SYNPR: variants seen among roughly 807,000 people sequenced by gnomAD.
SYNPR encodes the protein synaptoporin.
Under a neutral mutation model 32.9 loss-of-function variants are expected in SYNPR, and 23 were observed. The ratio of observed to expected loss-of-function variants is 0.70; its 90% CI spans 0.50 to 0.99. The LOEUF is 0.99. Ranked by LOEUF, SYNPR falls within the 50% of genes least tolerant of loss-of-function variation. The probability of loss-of-function intolerance (pLI) is 0.00; values close to 1 mark genes in which losing one functional copy is unlikely to be tolerated. For synonymous variants in SYNPR, 146 were observed against 135.9 expected (o/e 1.07, Z -0.52); for missense variants, 318 against 349.3 (o/e 0.91, Z 0.71).
intron 3 of SYNPR, among the ~76,000 whole-genome samples, chr3:63,489,676 C>A (rs6785410): frequency 2.6e-5 from 4 of 151,730 alleles, no homozygotes; most frequent in African/African-American, 9.7e-5. Flanking sequence ...TAGTTGGAGA[C>A]GGGAGAAAGA....
intron 2 of SYNPR, among the ~76,000 whole-genome samples, chr3:63,462,261 C>T (rs753091975): frequency 2.0e-5 from 3 of 152,104 alleles, no homozygotes; most frequent in Non-Finnish European, 4.4e-5. Flanking sequence ...CACTGTTGTT[C>T]TCTACCATTG....
chr3:63,233,370 A>C (rs146138272), intron 1 of SYNPR, among the ~76,000 whole-genome samples: 3 of 152,206 alleles, frequency 2.0e-5, no homozygotes, highest in African/African-American at 7.2e-5. Flanking sequence ...TAAATTTTCT[A>C]ATTGTTTCTT....
intron 5 of SYNPR, 107 bp downstream of exon 5, chr3:63,609,423 A>G: frequency 9.8e-7 from 1 of 1,021,962 alleles, no homozygotes; most frequent in Non-Finnish European, 1.4e-6. Context: ...CTACAAAACT[A>G]GGCCAATCAA....
intron 2 of SYNPR, among the ~76,000 whole-genome samples, chr3:63,326,506 C>A (rs1476853877): frequency 6.6e-6 from 1 of 152,108 alleles, no homozygotes; most frequent in South Asian, 2.1e-4. Flanking sequence ...TAGGATTATA[C>A]TGAGATTGCA....
At chr3:63,225,298 A>G (rs1281803609), upstream of SYNPR, among the ~76,000 whole-genome samples, 2 of 152,214 alleles carry the variant, frequency 1.3e-5, no homozygotes, top group African/African-American at 4.8e-5. Flanking sequence ...CATTCATTCC[A>G]TTGCTCTGTG....
intron 2 of SYNPR, among the ~76,000 whole-genome samples, chr3:63,477,431 C>T (rs1700949154): frequency 6.6e-6 from 1 of 152,200 alleles, no homozygotes; most frequent in Non-Finnish European, 1.5e-5. Context: ...AAGCAGTTGT[C>T]ATGCTCAGGG....
chr3:63,609,416 C>T, intron 5 of SYNPR, 100 bp downstream of exon 5: 2 of 1,077,652 alleles, frequency 1.9e-6, no homozygotes, highest in Non-Finnish European at 2.5e-6. Context: ...TTGTTGCCTA[C>T]AAAACTAGGC....
At chr3:63,601,187 C>T (rs546401931) in intron 4 of SYNPR, among the ~76,000 whole-genome samples, 3 of 151,688 alleles carry the variant, frequency 2.0e-5, no homozygotes, top group South Asian at 4.2e-4. Flanking sequence ...GGAGGAGAAT[C>T]GCTTGAACCT....
intron 4 of SYNPR, among the ~76,000 whole-genome samples, chr3:63,558,535 A>G (rs1214509842): frequency 6.6e-6 from 1 of 151,798 alleles, no homozygotes; most frequent in Non-Finnish European, 1.5e-5. Flanking sequence ...GTTTCATCAT[A>G]TTTTTTGCAG....
intron 2 of SYNPR, among the ~76,000 whole-genome samples, chr3:63,401,687 A>G (rs899325051): frequency 1.3e-5 from 2 of 152,238 alleles, no homozygotes; most frequent in Non-Finnish European, 2.9e-5. Context: ...AGACAGAGCT[A>G]TTCTCTCATG....
the SYNPR span, among the ~76,000 whole-genome samples, chr3:63,219,362 T>G: frequency 6.6e-6 from 1 of 152,182 alleles, no homozygotes; most frequent in Non-Finnish European, 1.5e-5. Flanking sequence ...TGTAGCAAGG[T>G]GGGGCAGCTG....
chr3:63,220,019 A>C, the SYNPR span, among the ~76,000 whole-genome samples: 10,231 of 152,296 alleles, frequency 0.067, 410 homozygotes, highest in South Asian at 0.089. Context: ...GAGTGGCCAC[A>C]ATTGAAGCTC....
intron 3 of SYNPR, among the ~76,000 whole-genome samples, chr3:63,540,179 C>G (rs1702274001): frequency 6.6e-6 from 1 of 152,030 alleles, no homozygotes; most frequent in Admixed American, 6.6e-5. Context: ...TATTTTATTC[C>G]TTATGAAGTA....
At chr3:63,443,433 A>T (rs1414889798) in intron 2 of SYNPR, 4 of 1,606,274 alleles carry the variant, frequency 2.5e-6, no homozygotes, top group Non-Finnish European at 3.4e-6. Context: ...TTGGATTATC[A>T]ATTCTTTTGT....
chr3:63,479,656 T>C (rs1701006518), intron 2 of SYNPR, among the ~76,000 whole-genome samples: 1 of 152,190 alleles, frequency 6.6e-6, no homozygotes, highest in Non-Finnish European at 1.5e-5. Flanking sequence ...TTCTGAACTT[T>C]CTGGAAAGAC....
chr3:63,592,934 C>T (rs1699864107), intron 4 of SYNPR, among the ~76,000 whole-genome samples: 1 of 151,998 alleles, frequency 6.6e-6, no homozygotes, highest in Admixed American at 6.6e-5. Flanking sequence ...ATTATTGCCC[C>T]TTTTTACAGT....
At chr3:63,583,969 T>C (rs936937876) in intron 4 of SYNPR, among the ~76,000 whole-genome samples, 2 of 152,006 alleles carry the variant, frequency 1.3e-5, no homozygotes, top group African/African-American at 4.8e-5. Context: ...AAAAGACTGG[T>C]AGAGCAGGCT....
intron 2 of SYNPR, among the ~76,000 whole-genome samples, chr3:63,480,322 CA>C (rs1701021229): frequency 6.6e-6 from 1 of 152,242 alleles, no homozygotes; most frequent in South Asian, 2.1e-4. Context: ...CTTAGAAACT[CA>C]CCTACTCTTC....
chr3:63,431,224 A>G (rs540631749), intron 2 of SYNPR, among the ~76,000 whole-genome samples: 54 of 152,308 alleles, frequency 3.5e-4, no homozygotes, highest in Non-Finnish European at 7.2e-4. Context: ...TGTGGAATTT[A>G]CCCTGATAGG....
Sources: gnomAD v4.1 joint callset for allele counts (sites outside exome capture counted in the v4.1 genomes callset) on GRCh38, gnomAD v4.1.1 for gene constraint, MANE v1.5 for transcripts, NCBI Gene and HGNC (gene_info 2026-07-23, HGNC 2026-07-21) for gene names.